Variants in PTPN13 observed in about 807,000 individuals in gnomAD.
The protein encoded by PTPN13 is tyrosine-protein phosphatase non-receptor type 13.
A neutral mutation model predicts 284.0 loss-of-function variants in PTPN13; 191 were observed. The observed-to-expected ratio is 0.67, with a 90% CI of 0.60 to 0.76. The LOEUF (loss-of-function observed/expected upper bound fraction) is 0.76, where lower values mean the gene tolerates loss of function less well. Among genes scored for constraint, PTPN13 ranks in the 30% least tolerant of loss-of-function variants. The pLI is 0.00. For missense variants in PTPN13, 2,797 were observed against 2,939.9 expected (o/e 0.95, Z 1.12); for synonymous variants, 986 against 1,022.3 (o/e 0.96, Z 0.68).
In PTPN13 at chr4:86,785,281, G is replaced by C. The variant is rs1364882933; in HGVS notation, c.6169G>C (p.Val2057Leu). The C allele has an allele frequency of 6.3e-7, 1 of 1,597,572 alleles. No homozygotes were observed. Among genetic ancestry groups the C allele is most frequent in the African/African-American group, 1.3e-5 (1 of 74,446 alleles). The change falls in exon 39 of 48, where the codon GTT becomes CTT. Residue 2057 changes from valine to leucine, a missense_variant. By Grantham distance (32) the Val-to-Leu change is conservative (BLOSUM62 1). Coordinates refer to ENST00000411767, the MANE Select transcript of PTPN13 (RefSeq NM_080683.3). ...DIYDDSQEAE[V>L]IQSLLDVVDE... The stretch of plus-strand genomic sequence containing the variant: ...TTATGATGATTCCCAAGAAGCTGAA[G>C]TTATCCAGTCTCTGCTGGATGTTGT...
intron 6 of PTPN13, among the ~76,000 whole-genome samples, chr4:86,700,405 A>G (rs1016001991): frequency 1.3e-5 from 2 of 152,018 alleles, no homozygotes; most frequent in African/African-American, 4.8e-5. Context: ...TGTTGAATCT[A>G]TGGATTCACA....
chr4:86,661,193 G>T, intron 2 of PTPN13: 1 of 391,744 alleles, frequency 2.6e-6, no homozygotes, highest in South Asian at 1.9e-5. Context: ...ATATCACACA[G>T]ATAATATTTG....
intron 40 of PTPN13, among the ~76,000 whole-genome samples, chr4:86,795,801 A>T: frequency 6.6e-6 from 1 of 152,148 alleles, no homozygotes; most frequent in Non-Finnish European, 1.5e-5. Context: ...AGAAAACCAA[A>T]CACCACATGT....
intron 2 of PTPN13, among the ~76,000 whole-genome samples, chr4:86,666,649 C>T (rs1222990104): frequency 6.6e-6 from 1 of 152,050 alleles, no homozygotes; most frequent in Middle Eastern, 3.2e-3. Flanking sequence ...AAGAGACTCC[C>T]GAATTGGAAT....
At chr4:86,780,216 T>A (rs1408075028) in intron 35 of PTPN13, among the ~76,000 whole-genome samples, 186 bp from the exon 36 acceptor site, 1 of 151,908 alleles carries the variant, frequency 6.6e-6, no homozygotes, top group East Asian at 1.9e-4. Context: ...CTGGGCAACA[T>A]GAAAAAACCC....
chr4:86,778,770 C>T (rs1419770200), intron 35 of PTPN13, among the ~76,000 whole-genome samples: 5 of 152,020 alleles, frequency 3.3e-5, no homozygotes, highest in African/African-American at 4.8e-5. Flanking sequence ...GTTGTTGGCC[C>T]GGGGCGTTAA....
In PTPN13 at chr4:86,809,806, C is replaced by T. The variant is rs1444916417; in HGVS notation, c.7121C>T (p.Thr2374Ile). The T allele has an allele frequency of 2.5e-6, 4 of 1,613,948 alleles. No individual in the cohort carries two copies. In the African/African-American group the frequency reaches 5.3e-5, roughly 22 times the overall value. Reference protein sequence around the residue: ...EVRHISHLNFTAWPDHDTPSQ... With the variant: ...EVRHISHLNFIAWPDHDTPSQ... ...CGCCATATTTCTCATCTGAATTTCA[C>T]TGCCTGGCCAGACCATGATACACCT... is the stretch of plus-strand genomic sequence containing the variant. The change falls in exon 46 of 48, where the codon ACT becomes ATT. Residue 2374 changes from threonine (T) to isoleucine (I), a missense_variant. Thr to Ile is a moderately conservative substitution (Grantham distance 89). Transcript: ENST00000411767.
intron 24 of PTPN13, among the ~76,000 whole-genome samples, chr4:86,764,027 A>G (rs941547919): frequency 1.3e-5 from 2 of 152,182 alleles, no homozygotes; most frequent in African/African-American, 2.4e-5. Flanking sequence ...AACATTCCTT[A>G]TAAGAGTTAT....
rs1386381050 is a variant in PTPN13 at position 86,609,194 on chromosome 4, T to A, written c.-6+14405T>A. Among the ~76,000 whole-genome samples, 3 of 152,232 alleles carry A rather than the reference T, an allele frequency of 2.0e-5. No homozygotes were observed. In the East Asian group the frequency reaches 5.8e-4, roughly 29 times the overall value. On this transcript the variant is annotated intron_variant, in intron 1 of 47. Coordinates refer to ENST00000411767, the MANE Select transcript of PTPN13 (RefSeq NM_080683.3). Reference sequence around the variant, plus strand: ...TTCACATCTATTTTTTTCTTACGAGTCATGTACTGTTATCCCTATGAAAAT... The same window carrying A: ...TTCACATCTATTTTTTTCTTACGAGACATGTACTGTTATCCCTATGAAAAT...
In PTPN13 at chr4:86,753,039, C is replaced by T; in HGVS notation, c.3197C>T (p.Ser1066Leu). 2 of 1,608,406 alleles carry T rather than the reference C, an allele frequency of 1.2e-6. No individual in the cohort carries two copies. Among genetic ancestry groups the T allele is most frequent in the Non-Finnish European group, 1.7e-6 (2 of 1,176,002 alleles). ...ACTATGCATAGTTCTGGAAACTCTT[C>T]ATCCCAAGTACCCTTAAAAGAAAAT... ...GMTMHSSGNS[S>L]SQVPLKENDV... Residue 1066 changes from serine to leucine, a missense_variant, in exon 20 of 48, where the codon TCA (serine) becomes TTA (leucine). Ser to Leu is a moderately radical substitution (Grantham distance 145, BLOSUM62 -2). Transcript: ENST00000411767.
chr4:86,762,717 T>C lies in PTPN13; in HGVS notation c.3554-10T>C. 6.4e-7 allele frequency: 1 copy of C among 1,571,750 alleles called. No homozygotes were observed. Among genetic ancestry groups the C allele is most frequent in the Non-Finnish European group, 8.7e-7 (1 of 1,146,766 alleles). ...ACTTGTTACTCTCATTGATGGATTTTGACTTTTAGTGCCTTCTACTCCTGT... is the reference window on the plus strand; with the variant it reads ...ACTTGTTACTCTCATTGATGGATTTCGACTTTTAGTGCCTTCTACTCCTGT... On this transcript the variant is annotated splice_polypyrimidine_tract_variant and intron_variant, in intron 23 of 47. Coordinates refer to ENST00000411767, the MANE Select transcript of PTPN13 (RefSeq NM_080683.3).
intron 36 of PTPN13, among the ~76,000 whole-genome samples, chr4:86,780,998 C>G (rs1741235966): frequency 2.6e-5 from 4 of 152,142 alleles, no homozygotes; most frequent in Admixed American, 2.6e-4. Flanking sequence ...GAGATTACAA[C>G]TATTATGTTT....
chr4:86,762,489 A>G (rs1738810708), intron 23 of PTPN13, among the ~76,000 whole-genome samples: 1 of 152,220 alleles, frequency 6.6e-6, no homozygotes, highest in Non-Finnish European at 1.5e-5. Context: ...CTGGTTTGAA[A>G]TGGATCTTGG....
In PTPN13 at chr4:86,734,346, A is replaced by G. The variant is rs1229380017; in HGVS notation, c.1902A>G (p.Lys634=). The G allele has an allele frequency of 1.9e-6, 3 of 1,550,740 alleles. No individual in the cohort carries two copies. Among genetic ancestry groups the G allele is most frequent in the African/African-American group, 2.7e-5 (2 of 72,732 alleles). ...TTGATCCTGACTTAAAATTAACCAA[A>G]GTGGCCCCAGAGGGATGGAAAGAAG... ...FFVDPDLKLT[K]VAPEGWKEEP... The change falls in exon 13 of 48, where the codon AAA becomes AAG. Residue 634 remains lysine (K), a synonymous_variant. Transcript: ENST00000411767.
chr4:86,766,009 G>A (rs1331304151), intron 26 of PTPN13, among the ~76,000 whole-genome samples: 1 of 152,042 alleles, frequency 6.6e-6, no homozygotes, highest in Admixed American at 6.6e-5. Context: ...TGTATTTTTA[G>A]TAGAGACAGG....
At chr4:86,652,298 A>G (rs969120892) in intron 2 of PTPN13, among the ~76,000 whole-genome samples, 1 of 152,202 alleles carries the variant, frequency 6.6e-6, no homozygotes, top group African/African-American at 2.4e-5. Flanking sequence ...CATGATTTAT[A>G]TACAACAATT....
Position 86,693,071 on chromosome 4 carries a change from TAAAAAAAAA to T in PTPN13, c.547-502_547-494del, listed in dbSNP as rs34543988. On this transcript the variant is annotated intron_variant, in intron 5 of 47. Transcript: ENST00000411767. ...TGACAGAGTGAGACTCCGTTATATT[TAAAAAAAAA>T]AAAAAAAAAAAAAGACTTAGCATTT... Among the ~76,000 whole-genome samples the T allele has an allele frequency of 1.8e-3, 198 of 112,306 alleles. 1 individual carries two copies. The highest frequency in any genetic ancestry group is 6.4e-3 in the African/African-American group (194 of 30,112). The allele number at this position is 112,306 out of a possible 152,430, so 73.7% of individuals were successfully genotyped here.
intron 2 of PTPN13, among the ~76,000 whole-genome samples, chr4:86,646,254 A>G (rs1403467652): frequency 6.6e-6 from 1 of 151,644 alleles, no homozygotes; most frequent in Non-Finnish European, 1.5e-5. Context: ...TAAGAGAATG[A>G]AAGGAAAAGA....
intron 41 of PTPN13, among the ~76,000 whole-genome samples, 158 bp downstream of exon 41, chr4:86,797,087 G>A (rs957919333): frequency 1.3e-5 from 2 of 152,130 alleles, no homozygotes; most frequent in Admixed American, 6.6e-5. Context: ...GGCCAGGTGC[G>A]GTGGCTCATG....
Sources: allele counts gnomAD v4.1 joint callset (sites outside exome capture counted in the v4.1 genomes callset), GRCh38; gene constraint gnomAD v4.1.1; transcripts MANE v1.5; gene names NCBI Gene and HGNC (gene_info 2026-07-23, HGNC 2026-07-21).